Variants in FBH1 observed in about 807,000 individuals in gnomAD.
FBH1 encodes the protein DNA 3'-5' helicase 1.
Under a neutral mutation model 115.5 loss-of-function variants are expected in FBH1, and 43 were observed. The ratio of observed to expected loss-of-function variants is 0.37; its 90% CI spans 0.29 to 0.48. FBH1 has a LOEUF of 0.48. FBH1 is among the 20% of genes least tolerant of loss of function. The probability of loss-of-function intolerance (pLI) is 0.99; values close to 1 mark genes in which losing one functional copy is unlikely to be tolerated. For missense variants in FBH1, 1,001 were observed against 1,337.3 expected (o/e 0.75, Z 3.92); for synonymous variants, 524 against 507.8 (o/e 1.03, Z -0.43).
At chr10:5,890,226 G>A (rs1327416991), upstream of FBH1, 2 of 355,212 alleles carry the variant, frequency 5.6e-6, no homozygotes, top group Non-Finnish European at 1.1e-5. Flanking sequence ...GAAGTCGGCG[G>A]GCGTCTCGGG....
rs1246191386 is a variant in FBH1, at chr10:5,917,197, G to A, written c.1789-223G>A. 4 of 569,066 alleles carry A rather than the reference G, an allele frequency of 7.0e-6. No individual in the cohort carries two copies. Among genetic ancestry groups the A allele is most frequent in the Non-Finnish European group, 1.3e-5 (4 of 316,420 alleles). 35.3% of individuals were successfully genotyped at this position (569,066 alleles called of 1,614,324 possible). On this transcript the variant is annotated intron_variant, in intron 10 of 20. Coordinates refer to ENST00000362091, the MANE Select transcript of FBH1 (RefSeq NM_178150.3). The surrounding 1 kb of genome is among the most constrained non-coding windows in gnomAD (Gnocchi z 5.6). ...ACCTAACTGTTATGATCTCTGTCCT[G>A]TCACGGGCATGGCACGGCCCGGCTG...
intron 18 of FBH1, among the ~76,000 whole-genome samples, chr10:5,926,310 C>T (rs1030637046): frequency 6.6e-6 from 1 of 152,082 alleles, no homozygotes; most frequent in Non-Finnish European, 1.5e-5. Context: ...GACGGGGTTT[C>T]GCCATGTTGG....
chr10:5,926,119 CTTATTA>C (rs1832637347), intron 18 of FBH1, among the ~76,000 whole-genome samples: 1 of 103,696 alleles, frequency 9.6e-6, no homozygotes, highest in Non-Finnish European at 2.2e-5. Flanking sequence ...TCTTATTCTT[CTTATTA>C]TTATTATTAT....
chr10:5,918,665 G>C lies in FBH1; in HGVS notation c.2100+187G>C, dbSNP rs1028491177. 2.0e-5 allele frequency among the ~76,000 whole-genome samples: 3 copies of C among 152,222 alleles called. No homozygotes were observed. Among genetic ancestry groups the C allele is most frequent in the Non-Finnish European group, 2.9e-5 (2 of 68,048 alleles). ...TGTTTTCATAAGAGGTGTGTGCACAGCGGTCGTCTGAGGAAGAGCTGCTGC... is the reference window on the plus strand; with the variant it reads ...TGTTTTCATAAGAGGTGTGTGCACACCGGTCGTCTGAGGAAGAGCTGCTGC... On this transcript the variant is annotated intron_variant, in intron 13 of 20. Coordinates refer to ENST00000362091, the MANE Select transcript of FBH1 (RefSeq NM_178150.3). The surrounding 1 kb of genome is among the most constrained non-coding windows in gnomAD (Gnocchi z 4.0).
chr10:5,930,703 G>GA lies in FBH1; in HGVS notation c.2829+3171dup, dbSNP rs1008330690. On this transcript the variant is annotated intron_variant, in intron 19 of 20. Coordinates refer to ENST00000362091, the MANE Select transcript of FBH1 (RefSeq NM_178150.3). The stretch of plus-strand genomic sequence containing the variant: ...GGAAATGTGTATTTTTGAAAAGAAA[G>GA]AAAAAAAAACAGTGGTTCATACTGA... Among the ~76,000 whole-genome samples, 3 of 151,946 alleles carry GA rather than the reference G, an allele frequency of 2.0e-5. No homozygotes were observed. In the South Asian group the frequency reaches 6.2e-4, roughly 32 times the overall value.
intron 1 of FBH1, among the ~76,000 whole-genome samples, chr10:5,902,583 C>T (rs867326920): frequency 7.2e-5 from 11 of 152,044 alleles, no homozygotes; most frequent in African/African-American, 1.9e-4. Context: ...TGTCTTGCCT[C>T]GGTCTCCTAA....
intron 3 of FBH1, among the ~76,000 whole-genome samples, chr10:5,907,038 C>T (rs1033476890): frequency 6.6e-6 from 1 of 152,096 alleles, no homozygotes; most frequent in Admixed American, 6.5e-5. Context: ...TCCTGACTCA[C>T]TGCAACCTCT....
chr10:5,890,228 C>A (rs1842613625), upstream of FBH1: 2 of 354,916 alleles, frequency 5.6e-6, no homozygotes, highest in Admixed American at 4.8e-5. Context: ...AGTCGGCGGG[C>A]GTCTCGGGCT....
Position 5,927,331 on chromosome 10 carries a change from T to C in FBH1, c.2723-104T>C, listed in dbSNP as rs186294020. 8.8e-4 allele frequency: 682 copies of C among 775,112 alleles called. 6 individuals are homozygous for C. Among genetic ancestry groups the C allele is most frequent in the Non-Finnish European group, 1.5e-4 (76 of 500,892 alleles). 48.0% of individuals were successfully genotyped at this position (775,112 alleles called of 1,614,324 possible). A position where few individuals can be genotyped will look rare whatever the true frequency, so the allele number is the denominator to read the frequency against. ...AGCCAACAAATGTTGAGTGGTTTTC[T>C]GCGGGGAATGGGTGGGGGCTAGTAA... On this transcript the variant is annotated intron_variant, in intron 18 of 20. Transcript: ENST00000362091.
At chr10:5,919,441 G>A (rs752179806) in intron 13 of FBH1, among the ~76,000 whole-genome samples, 2 of 152,036 alleles carry the variant, frequency 1.3e-5, no homozygotes, top group Non-Finnish European at 2.9e-5. Context: ...AGCCGAGGTC[G>A]CACCATTGTA....
Position 5,918,627 on chromosome 10 carries a change from T to G in FBH1, c.2100+149T>G. 9.5e-7 allele frequency: 1 copy of G among 1,055,174 alleles called. No homozygotes were observed. The highest frequency in any genetic ancestry group is 1.3e-6 in the Non-Finnish European group (1 of 775,106). 65.4% of individuals were successfully genotyped at this position (1,055,174 alleles called of 1,614,324 possible). A position where few individuals can be genotyped will look rare whatever the true frequency, so the allele number is the denominator to read the frequency against. On this transcript the variant is annotated intron_variant, in intron 13 of 20. Transcript: ENST00000362091. This position sits in a 1 kb window ranked among gnomAD's most constrained non-coding sequence, Gnocchi z 4.0. ...TCTCAAAGTGTGGTTCTCAGGGGTCTGCCAAGTCACACTGTTTTCATAAGA... is the reference window on the plus strand; with the variant it reads ...TCTCAAAGTGTGGTTCTCAGGGGTCGGCCAAGTCACACTGTTTTCATAAGA...
rs1353401751 is a variant in FBH1 at position 5,910,405 on chromosome 10, T to C, written c.1021-533T>C. ...AAAATAAACTTTCCATAATTTCATA[T>C]TTATTTAACTTACAATGAACAGTTA... is the stretch of plus-strand genomic sequence containing the variant. On this transcript the variant is annotated intron_variant, in intron 5 of 20. Transcript: ENST00000362091. This position sits in a 1 kb window ranked among gnomAD's most constrained non-coding sequence, Gnocchi z 4.8. Among the ~76,000 whole-genome samples the C allele has an allele frequency of 6.6e-6, 1 of 152,268 alleles. No homozygotes were observed. The highest frequency in any genetic ancestry group is 1.5e-5 in the Non-Finnish European group (1 of 68,052).
chr10:5,936,650 C>T lies in FBH1; in HGVS notation c.2961+63C>T. The T allele has an allele frequency of 1.9e-6, 3 of 1,594,254 alleles. No individual in the cohort carries two copies. The South Asian group carries it at 3.3e-5, about 18-fold the overall frequency. ...GCATTTTTTGCTTGTGAGCTCTGTG[C>T]TTATCTGGGTTGTAGGTGAGGAGAT... is the stretch of plus-strand genomic sequence containing the variant. On this transcript the variant is annotated intron_variant, in intron 20 of 20. Transcript: ENST00000362091. This position sits in a 1 kb window ranked among gnomAD's most constrained non-coding sequence, Gnocchi z 5.6.
In FBH1 at chr10:5,917,687, G is replaced by T. The variant is rs749975620; in HGVS notation, c.1963+11G>T. 13 of 1,605,266 alleles carry T rather than the reference G, an allele frequency of 8.1e-6. No individual in the cohort carries two copies. In the South Asian group the frequency reaches 1.4e-4, roughly 18 times the overall value. On this transcript the variant is annotated intron_variant, in intron 12 of 20. Coordinates refer to ENST00000362091, the MANE Select transcript of FBH1 (RefSeq NM_178150.3). This position sits in a 1 kb window ranked among gnomAD's most constrained non-coding sequence, Gnocchi z 5.6. Reference sequence around the variant, plus strand: ...AGGACTGCACACCAGGTGATACACTGTTCAGGACATCAGTAGTGTCAAATA... The same window carrying T: ...AGGACTGCACACCAGGTGATACACTTTTCAGGACATCAGTAGTGTCAAATA...
Position 5,914,202 on chromosome 10 carries a change from T to A in FBH1, c.1329T>A (p.His443Gln), listed in dbSNP as rs1379102886. 1.2e-6 allele frequency: 2 copies of A among 1,614,106 alleles called. No homozygotes were observed. Among genetic ancestry groups the A allele is most frequent in the Non-Finnish European group, 1.7e-6 (2 of 1,180,040 alleles). The change falls in exon 8 of 21, where the codon CAT becomes CAA. Residue 443 changes from histidine to glutamine, a missense_variant. His to Gln is a conservative substitution (Grantham distance 24). Transcript: ENST00000362091. This position sits in a 1 kb window ranked among gnomAD's most constrained non-coding sequence, Gnocchi z 5.2. The stretch of plus-strand genomic sequence containing the variant: ...GCAAGAAAACCATCCAACTTACACA[T>A]GAACAACAGCTGATTCTGAATCACA... ...WPGKKTIQLT[H>Q]EQQLILNHKM...
At position 5,915,691 on chromosome 10, in the gene FBH1, T is replaced by G; in HGVS notation, c.1565+120T>G. ...GACCCCGAGGAGTGTAGTGCTGTTA[T>G]CTCCACTTACAGGCAGGAAACAAAT... On this transcript the variant is annotated intron_variant, in intron 9 of 20. Coordinates refer to ENST00000362091, the MANE Select transcript of FBH1 (RefSeq NM_178150.3). This position sits in a 1 kb window ranked among gnomAD's most constrained non-coding sequence, Gnocchi z 5.2. 1.2e-6 allele frequency: 1 copy of G among 846,738 alleles called. No homozygotes were observed. The highest frequency in any genetic ancestry group is 1.8e-6 in the Non-Finnish European group (1 of 544,366). The allele number at this position is 846,738 out of a possible 1,614,324, so 52.5% of individuals were successfully genotyped here. A position where few individuals can be genotyped will look rare whatever the true frequency, so the allele number is the denominator to read the frequency against.
chr10:5,915,369 A>G lies in FBH1; in HGVS notation c.1397-34A>G. 1.9e-6 allele frequency: 3 copies of G among 1,611,310 alleles called. No homozygotes were observed. The highest frequency in any genetic ancestry group is 2.5e-6 in the Non-Finnish European group (3 of 1,178,336). ...ATCCCTGGGCATGTCTTGTCTGGTC[A>G]GAGGGTCACCTCCTTTCCTCCTGGC... On this transcript the variant is annotated intron_variant, in intron 8 of 20. Coordinates refer to ENST00000362091, the MANE Select transcript of FBH1 (RefSeq NM_178150.3). The surrounding 1 kb of genome is among the most constrained non-coding windows in gnomAD (Gnocchi z 5.2).
chr10:5,896,349 A>G (rs1843002645), intron 1 of FBH1, among the ~76,000 whole-genome samples: 1 of 152,132 alleles, frequency 6.6e-6, no homozygotes, highest in African/African-American at 2.4e-5. Flanking sequence ...CAAAGTCAGC[A>G]AAGGCCAGGA....
At chr10:5,898,342 C>T (rs1843130098) in intron 1 of FBH1, among the ~76,000 whole-genome samples, 2 of 152,140 alleles carry the variant, frequency 1.3e-5, no homozygotes, top group African/African-American at 4.8e-5. Context: ...TCTGAGACCT[C>T]TCTTATAAGG....
Sources: gnomAD v4.1 joint callset for allele counts (sites outside exome capture counted in the v4.1 genomes callset) on GRCh38, gnomAD v4.1.1 for gene constraint, Gnocchi (gnomAD v3.1) non-coding constraint, MANE v1.5 for transcripts, NCBI Gene and HGNC (gene_info 2026-07-23, HGNC 2026-07-21) for gene names.